SDK1: variants seen among roughly 807,000 people sequenced by gnomAD.
SDK1 encodes the protein sidekick cell adhesion molecule 1, also known as protein sidekick-1.
A neutral mutation model predicts 245.5 loss-of-function variants in SDK1; 157 were observed. The ratio of observed to expected loss-of-function variants is 0.64; its 90% confidence interval spans 0.56 to 0.73. The LOEUF (loss-of-function observed/expected upper bound fraction) is 0.73, where lower values mean the gene tolerates loss of function less well. SDK1 is among the 30% of genes least tolerant of loss of function. The pLI is 0.00. For missense variants in SDK1, 3,583 were observed against 3,002.3 expected (o/e 1.19, Z -4.52); for synonymous variants, 1,647 against 1,278.5 (o/e 1.29, Z -6.15).
At chr7:4,104,226 G>T (rs960391675) in intron 22 of SDK1, among the ~76,000 whole-genome samples, 1 of 152,122 alleles carries the variant, frequency 6.6e-6, no homozygotes, top group African/African-American at 2.4e-5. Flanking sequence ...CACCTAGCTA[G>T]ATTTTGTATG....
intron 22 of SDK1, among the ~76,000 whole-genome samples, chr7:4,103,127 A>G (rs1448613061): frequency 6.6e-6 from 1 of 151,844 alleles, no homozygotes; most frequent in Non-Finnish European, 1.5e-5. Context: ...CAGCCTCCAG[A>G]GTAGCTGGGA....
intron 1 of SDK1, among the ~76,000 whole-genome samples, chr7:3,447,512 C>G (rs1458022683): frequency 7.2e-5 from 11 of 151,942 alleles, no homozygotes; most frequent in Non-Finnish European, 1.3e-4. Flanking sequence ...TGCCCCCCAC[C>G]CCATTCTTCT....
intron 1 of SDK1, among the ~76,000 whole-genome samples, chr7:3,400,669 C>T (rs1778864873): frequency 1.3e-5 from 2 of 152,200 alleles, no homozygotes; most frequent in South Asian, 4.1e-4. Context: ...GTGGGGGTTA[C>T]CTAGAAATAT....
chr7:3,853,621 A>C (rs1476806279), intron 5 of SDK1, among the ~76,000 whole-genome samples: 1 of 152,064 alleles, frequency 6.6e-6, no homozygotes, highest in Non-Finnish European at 1.5e-5. Context: ...GAGCACCCCT[A>C]ATCTGGAAAT....
chr7:3,494,817 A>T (rs1781974044), intron 1 of SDK1, among the ~76,000 whole-genome samples: 1 of 152,206 alleles, frequency 6.6e-6, no homozygotes, highest in Admixed American at 6.5e-5. Context: ...GGATTTCTAC[A>T]CACGGTTTAT....
At chr7:3,756,130 C>G (rs991329984) in intron 4 of SDK1, among the ~76,000 whole-genome samples, 1 of 150,798 alleles carries the variant, frequency 6.6e-6, no homozygotes, top group Non-Finnish European at 1.5e-5. Flanking sequence ...GAACCTGACT[C>G]CTTTCACATG....
intron 1 of SDK1, among the ~76,000 whole-genome samples, chr7:3,432,446 G>T (rs192662250): frequency 6.6e-6 from 1 of 151,898 alleles, no homozygotes; most frequent in Non-Finnish European, 1.5e-5. Flanking sequence ...TTCTCCAGGG[G>T]GCAAAATATC....
chr7:3,527,146 A>G (rs1417630966), intron 1 of SDK1, among the ~76,000 whole-genome samples: 1 of 152,204 alleles, frequency 6.6e-6, no homozygotes, highest in Non-Finnish European at 1.5e-5. Context: ...AAAATGTTTT[A>G]TATACACATT....
chr7:4,265,059 T>C, intron 44 of SDK1, 65 bp from the exon 45 acceptor site: 1 of 1,564,294 alleles, frequency 6.4e-7, no homozygotes, highest in Non-Finnish European at 8.6e-7. Flanking sequence ...CCAGGCCTCC[T>C]GCCCAGCACG....
At chr7:3,423,407 G>A (rs930345370) in intron 1 of SDK1, among the ~76,000 whole-genome samples, 1 of 152,164 alleles carries the variant, frequency 6.6e-6, no homozygotes, top group African/African-American at 2.4e-5. Context: ...ATACAAAGCA[G>A]GGCTAATGAT....
intron 1 of SDK1, among the ~76,000 whole-genome samples, chr7:3,456,360 CT>C (rs1277346310): frequency 1.3e-5 from 2 of 152,130 alleles, no homozygotes; most frequent in Admixed American, 6.5e-5. Flanking sequence ...AATGTTGGAT[CT>C]TTTGCTTTTG....
chr7:3,557,889 T>G (rs1158451895), intron 1 of SDK1, among the ~76,000 whole-genome samples: 1 of 152,216 alleles, frequency 6.6e-6, no homozygotes, highest in Non-Finnish European at 1.5e-5. Flanking sequence ...TTCCTAGTAG[T>G]TTTACATGAT....
chr7:3,871,253 A>G (rs1780948958), intron 5 of SDK1, among the ~76,000 whole-genome samples: 1 of 151,842 alleles, frequency 6.6e-6, no homozygotes, highest in Non-Finnish European at 1.5e-5. Context: ...ATTGGTCCTT[A>G]CATATTGACC....
At chr7:3,825,826 A>AG (rs1779761191) in intron 5 of SDK1, among the ~76,000 whole-genome samples, 1 of 152,168 alleles carries the variant, frequency 6.6e-6, no homozygotes, top group South Asian at 2.1e-4. Flanking sequence ...AAAGGGAGAG[A>AG]GGGGAACAGG....
intron 4 of SDK1, among the ~76,000 whole-genome samples, chr7:3,736,892 T>C (rs968049180): frequency 1.3e-5 from 2 of 152,216 alleles, no homozygotes; most frequent in African/African-American, 4.8e-5. Context: ...CTCAGAACTT[T>C]TGCATCTTAT....
At chr7:4,164,675 C>T (rs995544839) in intron 32 of SDK1, among the ~76,000 whole-genome samples, 3 of 152,216 alleles carry the variant, frequency 2.0e-5, no homozygotes, top group Non-Finnish European at 4.4e-5. Flanking sequence ...TGCGTCACCT[C>T]CTCCAAACAA....
intron 4 of SDK1, 73 bp downstream of exon 4, chr7:3,642,178 T>A: frequency 6.9e-7 from 1 of 1,447,556 alleles, no homozygotes. Context: ...ACACAGTAAG[T>A]GTACCAATTA....
chr7:3,894,131 G>A (rs998052703), intron 5 of SDK1, among the ~76,000 whole-genome samples: 4 of 152,114 alleles, frequency 2.6e-5, no homozygotes, highest in Admixed American at 6.5e-5. Flanking sequence ...CATTTCCATC[G>A]TTGCAGTTGG....
At chr7:4,161,362 C>T (rs1008762296) in intron 31 of SDK1, among the ~76,000 whole-genome samples, 3 of 152,156 alleles carry the variant, frequency 2.0e-5, no homozygotes, top group African/African-American at 4.8e-5. Flanking sequence ...AACCAAGTGA[C>T]CTGGCATGAT....
Sources: gnomAD v4.1 joint callset for allele counts (sites outside exome capture counted in the v4.1 genomes callset) on GRCh38, gnomAD v4.1.1 for gene constraint, MANE v1.5 for transcripts, NCBI Gene and HGNC (gene_info 2026-07-23, HGNC 2026-07-21) for gene names.